The following DNAH9 variants were observed in gnomAD, a reference collection of about 807,000 sequenced individuals.
DNAH9 encodes DNAH9 variant protein.
Under a neutral mutation model 471.6 loss-of-function variants are expected in DNAH9, and 345 were observed. The observed-to-expected ratio is 0.73, with a 90% CI of 0.67 to 0.80. The LOEUF is 0.80. DNAH9 is among the 30% of genes least tolerant of loss of function. The pLI is 0.00. For missense variants in DNAH9, 5,407 were observed against 5,609.2 expected, an observed-to-expected ratio of 0.96 and a Z score of 1.15; for synonymous variants, 2,093 against 2,123.6, an observed-to-expected ratio of 0.99 and a Z score of 0.40.
At chr17:11,923,421 C>A (rs929400766) in intron 61 of DNAH9, among the ~76,000 whole-genome samples, 9 of 152,020 alleles carry the variant, frequency 5.9e-5, no homozygotes, top group Non-Finnish European at 8.8e-5. Context: ...ACGCCATTCT[C>A]CTGCCTCAGC....
chr17:11,617,654 C>A, intron 5 of DNAH9, 32 bp downstream of exon 5: 1 of 1,529,382 alleles, frequency 6.5e-7, no homozygotes, highest in Non-Finnish European at 9.1e-7. Flanking sequence ...AGCAACTGCT[C>A]CCTGGGGGCT....
intron 41 of DNAH9, among the ~76,000 whole-genome samples, chr17:11,792,316 G>T (rs939902099): frequency 6.6e-6 from 1 of 152,152 alleles, no homozygotes; most frequent in Non-Finnish European, 1.5e-5. Flanking sequence ...TTGTAGTAAT[G>T]TTGTCACCAG....
At chr17:11,898,132 CT>C (rs35816812) in intron 59 of DNAH9, among the ~76,000 whole-genome samples, 6 of 148,382 alleles carry the variant, frequency 4.0e-5, no homozygotes, top group Non-Finnish European at 6.0e-5. Context: ...TTTTCCTTTT[CT>C]TTTTTTTTTT....
At chr17:11,619,856 G>A (rs2072818578) in intron 6 of DNAH9, 75 bp downstream of exon 6, 1 of 827,720 alleles carries the variant, frequency 1.2e-6, no homozygotes, top group South Asian at 1.5e-5. Flanking sequence ...AAGTGGAATA[G>A]GAAAATGCAC....
chr17:11,754,537 T>C (rs1354855515), intron 33 of DNAH9, among the ~76,000 whole-genome samples: 1 of 152,246 alleles, frequency 6.6e-6, no homozygotes, highest in Admixed American at 6.5e-5. Context: ...TGGTGTGAGA[T>C]GGAATCTCAT....
At position 11,605,674 on chromosome 17, in the gene DNAH9, A is replaced by ATTTTT. The variant is rs59748847; in HGVS notation, c.418-2448_418-2444dup. Among the ~76,000 whole-genome samples the ATTTTT allele has an allele frequency of 7.1e-3, 1,030 of 145,020 alleles. 18 individuals are homozygous for ATTTTT. Among genetic ancestry groups the ATTTTT allele is most frequent in the East Asian group, 0.022 (108 of 4,970 alleles). ...GCCACTACAACCGGGCAATTTTTCT[A>ATTTTT]TTTTTTTTTTTGTACAGATGAGGTC... On this transcript the variant is annotated intron_variant, in intron 1 of 68. Transcript: ENST00000262442.
chr17:11,902,713 T>C lies in DNAH9; in HGVS notation c.11407-6T>C, dbSNP rs771408547. 58 of 1,605,960 alleles carry C rather than the reference T, an allele frequency of 3.6e-5. No homozygotes were observed. Among genetic ancestry groups the C allele is most frequent in the Non-Finnish European group, 4.8e-5 (57 of 1,176,066 alleles). On this transcript the variant is annotated splice_region_variant and splice_polypyrimidine_tract_variant and intron_variant, in intron 59 of 68. Coordinates refer to ENST00000262442, the MANE Select transcript of DNAH9 (RefSeq NM_001372.4). ...ACTGCATTTCAGATTCTCTGAAATTTCCCAGGTACTTTCATCAATGGAAGA... is the reference window on the plus strand; with the variant it reads ...ACTGCATTTCAGATTCTCTGAAATTCCCCAGGTACTTTCATCAATGGAAGA...
At chr17:11,629,656 A>G in intron 7 of DNAH9, 72 bp downstream of exon 7, 1 of 1,337,710 alleles carries the variant, frequency 7.5e-7, no homozygotes. Flanking sequence ...GGGTCTAGGT[A>G]TTTACTTGCA....
At position 11,822,481 on chromosome 17, in the gene DNAH9, G is replaced by T. The variant is rs375908701; in HGVS notation, c.8894G>T (p.Arg2965Leu). The T allele has an allele frequency of 3.1e-6, 5 of 1,614,044 alleles. No homozygotes were observed. Among genetic ancestry groups the T allele is most frequent in the Non-Finnish European group, 4.2e-6 (5 of 1,180,036 alleles). ...FSPVGNKLRV[R>L]SRKFPAIVNC... ...CCTGTGGGAAACAAGCTAAGAGTCC[G>T]CAGCAGGAAGTTCCCAGCCATTGTG... Residue 2965 changes from arginine to leucine, a missense_variant, in exon 47 of 69, where the codon CGC becomes CTC. Physicochemically the swap from Arg to Leu is moderately radical, Grantham distance 102. Coordinates refer to ENST00000262442, the MANE Select transcript of DNAH9 (RefSeq NM_001372.4).
chr17:11,831,915 C>T (rs1343516611), intron 48 of DNAH9, among the ~76,000 whole-genome samples: 1 of 152,148 alleles, frequency 6.6e-6, no homozygotes, highest in Non-Finnish European at 1.5e-5. Context: ...ACTGTATTGT[C>T]ACCCCACTCA....
chr17:11,910,451 T>C (rs1380947281), intron 61 of DNAH9, among the ~76,000 whole-genome samples: 3 of 152,226 alleles, frequency 2.0e-5, no homozygotes, highest in Non-Finnish European at 1.5e-5. Context: ...TATCTCTCTA[T>C]TCATCTGTTG....
At chr17:11,852,904 T>C (rs1295039650) in intron 49 of DNAH9, among the ~76,000 whole-genome samples, 1 of 145,278 alleles carries the variant, frequency 6.9e-6, no homozygotes, top group Non-Finnish European at 1.5e-5. Context: ...TGTATATATA[T>C]ATATAAAAGA....
chr17:11,754,070 A>G (rs1967273056), intron 33 of DNAH9, among the ~76,000 whole-genome samples: 2 of 151,684 alleles, frequency 1.3e-5, no homozygotes, highest in Admixed American at 1.3e-4. Flanking sequence ...AACATGTAGC[A>G]TTTGGTCTTC....
chr17:11,780,143 T>C (rs1968614231), intron 38 of DNAH9, among the ~76,000 whole-genome samples: 1 of 152,228 alleles, frequency 6.6e-6, no homozygotes, highest in South Asian at 2.1e-4. Context: ...TGCTGTTAGA[T>C]CCTTCCTTTG....
chr17:11,886,725 C>T (rs1972888959), intron 56 of DNAH9, 100 bp from the exon 57 acceptor site: 1 of 1,435,718 alleles, frequency 7.0e-7, no homozygotes, highest in African/African-American at 1.4e-5. Flanking sequence ...TCACTCCATC[C>T]CCTAAGCAGA....
chr17:11,801,110 A>G (rs893024418), intron 43 of DNAH9, among the ~76,000 whole-genome samples: 8 of 152,196 alleles, frequency 5.3e-5, no homozygotes, highest in African/African-American at 1.9e-4. Context: ...CTGAAGAAGT[A>G]AAGTTTTGTT....
chr17:11,762,758 G>GTTTTTTTTT (rs111963634), intron 35 of DNAH9, among the ~76,000 whole-genome samples: 7,219 of 93,042 alleles, frequency 0.078, 575 homozygotes, highest in Non-Finnish European at 0.1. Context: ...CTTTAGGTGC[G>GTTTTTTTTT]TTTTTTTTTT....
intron 45 of DNAH9, among the ~76,000 whole-genome samples, chr17:11,812,026 AATATATATATATATATAT>A (rs1555601078): frequency 2.7e-5 from 1 of 36,726 alleles, no homozygotes; most frequent in Admixed American, 4.5e-4. Flanking sequence ...AAAAAAAAAA[AATATATATATATATATAT>A]ATATATATAT....
At chr17:11,883,315 G>A (rs1485229006) in intron 55 of DNAH9, 11 of 1,180,578 alleles carry the variant, frequency 9.3e-6, no homozygotes, top group Admixed American at 7.9e-5. Context: ...TGCCCATTGT[G>A]CATTAAGCAT....
Sources: gnomAD v4.1 joint callset for allele counts (sites outside exome capture counted in the v4.1 genomes callset) on GRCh38, gnomAD v4.1.1 for gene constraint, MANE v1.5 for transcripts, NCBI Gene and HGNC (gene_info 2026-07-23, HGNC 2026-07-21) for gene names.